The following LHFPL6 variants were observed in gnomAD, a reference collection of about 807,000 sequenced individuals.
The protein encoded by LHFPL6 is LHFPL tetraspan subfamily member 6, also known as LHFPL tetraspan subfamily member 6 protein.
In LHFPL6, 9 loss-of-function variants were observed where a neutral mutation model predicts 20.6. The ratio of observed to expected loss-of-function variants is 0.44; its 90% CI spans 0.26 to 0.76. The LOEUF is 0.76. LHFPL6 is among the 30% of genes least tolerant of loss of function. The pLI is 0.20. For synonymous variants in LHFPL6, 105 were observed against 98.7 expected, an observed-to-expected ratio of 1.06 and a Z score of -0.38; for missense variants, 218 against 253.5, an observed-to-expected ratio of 0.86 and a Z score of 0.95.
chr13:39,478,719 C>T lies in LHFPL6; in HGVS notation c.386-100193G>A, dbSNP rs575515529. Among the ~76,000 whole-genome samples, 25 of 151,768 alleles carry T rather than the reference C, an allele frequency of 1.6e-4. 1 individual carries two copies. In the South Asian group the frequency reaches 5.2e-3, roughly 31 times the overall value. The stretch of plus-strand genomic sequence containing the variant: ...AAAAGGCAGAGAAATAAGTAATTCA[C>T]CCCTCTTGCTTTTGGTCTATTTGCA... On this transcript the variant is annotated intron_variant, in intron 2 of 3. Coordinates refer to ENST00000379589, the MANE Select transcript of LHFPL6 (RefSeq NM_005780.3).
intron 3 of LHFPL6, among the ~76,000 whole-genome samples, chr13:39,352,941 G>A (rs71423195): frequency 0.45 from 18,678 of 41,316 alleles, 7,130 homozygotes; most frequent in African/African-American, 0.49. Context: ...ATATATGTGT[G>A]TATATATATA....
At chr13:39,398,971 G>A (rs181216095) in intron 2 of LHFPL6, among the ~76,000 whole-genome samples, 1 of 152,198 alleles carries the variant, frequency 6.6e-6, no homozygotes. Flanking sequence ...GTGCCAGAAA[G>A]TTAGGGTTTG....
At chr13:39,349,736 AT>A (rs1428341713) in intron 3 of LHFPL6, among the ~76,000 whole-genome samples, 1 of 152,344 alleles carries the variant, frequency 6.6e-6, no homozygotes, top group East Asian at 1.9e-4. Flanking sequence ...AGAGCCTTAA[AT>A]TAGAAGTGAG....
rs1470264840 is a variant in LHFPL6, at chr13:39,360,965, C to T, written c.485-16911G>A. On this transcript the variant is annotated intron_variant, in intron 3 of 3. Transcript: ENST00000379589. ...CAAAAGAAAATAACAGGTTTGTGCC[C>T]ATTTATTTGTACCAGTTATTGTCCT... is the stretch of plus-strand genomic sequence containing the variant. 4.1e-5 allele frequency among the ~76,000 whole-genome samples: 4 copies of T among 96,572 alleles called. 2 individuals carry two copies. The South Asian group carries it at 1.4e-3, about 34-fold the overall frequency. 63.4% of individuals were successfully genotyped at this position (96,572 alleles called of 152,430 possible).
At chr13:39,547,614 T>C (rs779690734) in intron 2 of LHFPL6, among the ~76,000 whole-genome samples, 1 of 152,134 alleles carries the variant, frequency 6.6e-6, no homozygotes, top group Non-Finnish European at 1.5e-5. Flanking sequence ...AAATCTGATC[T>C]GGACCAGCTC....
chr13:39,420,023 T>C (rs1418547175), intron 2 of LHFPL6, among the ~76,000 whole-genome samples: 5 of 152,318 alleles, frequency 3.3e-5, no homozygotes, highest in Non-Finnish European at 7.3e-5. Flanking sequence ...TGTGTGTTCC[T>C]AGAAGGTCTG....
chr13:39,516,206 C>T (rs1869908670), intron 2 of LHFPL6, among the ~76,000 whole-genome samples: 2 of 152,344 alleles, frequency 1.3e-5, no homozygotes, highest in South Asian at 4.1e-4. Flanking sequence ...AGCTATGCCA[C>T]ACTTCCAGTA....
chr13:39,492,975 C>T (rs970906488), intron 2 of LHFPL6, among the ~76,000 whole-genome samples: 4 of 151,868 alleles, frequency 2.6e-5, no homozygotes, highest in East Asian at 2.0e-4. Flanking sequence ...CCACTGCGCC[C>T]GGCCTCAATA....
intron 2 of LHFPL6, among the ~76,000 whole-genome samples, chr13:39,593,995 C>T (rs1256194985): frequency 6.6e-6 from 1 of 152,026 alleles, no homozygotes; most frequent in Non-Finnish European, 1.5e-5. Flanking sequence ...AAACGTTAGA[C>T]CTAAAACCAT....
chr13:39,388,832 T>C (rs75904825), intron 2 of LHFPL6, among the ~76,000 whole-genome samples: 3,684 of 152,234 alleles, frequency 0.024, 173 homozygotes, highest in African/African-American at 0.084. Context: ...CCTCCAAGCC[T>C]TCCCCTGACA....
rs1423951533 is a variant in LHFPL6, at chr13:39,545,283, T to C, written c.385+55549A>G. On this transcript the variant is annotated intron_variant, in intron 2 of 3. Transcript: ENST00000379589. ...AAAAAAAAAAGTGACTAAGGGTAAGTGGTCAGAAATCTAACAGAACAAGTG... is the reference window on the plus strand; with the variant it reads ...AAAAAAAAAAGTGACTAAGGGTAAGCGGTCAGAAATCTAACAGAACAAGTG... Among the ~76,000 whole-genome samples the C allele has an allele frequency of 2.7e-5, 4 of 146,358 alleles. 1 individual carries two copies. Among genetic ancestry groups the C allele is most frequent in the African/African-American group, 1.0e-4 (4 of 39,536 alleles).
chr13:39,481,358 T>A (rs1292831360), intron 2 of LHFPL6, among the ~76,000 whole-genome samples: 1 of 152,174 alleles, frequency 6.6e-6, no homozygotes, highest in African/African-American at 2.4e-5. Context: ...ACAGACAAGG[T>A]TGCCACTTTC....
chr13:39,466,399 T>C (rs558443222), intron 2 of LHFPL6, among the ~76,000 whole-genome samples: 6 of 152,184 alleles, frequency 3.9e-5, no homozygotes, highest in Non-Finnish European at 8.8e-5. Context: ...CCCTGGGCAA[T>C]GCAAAGACTG....
At chr13:39,512,993 G>A (rs560167253) in intron 2 of LHFPL6, among the ~76,000 whole-genome samples, 2 of 152,352 alleles carry the variant, frequency 1.3e-5, no homozygotes, top group South Asian at 2.1e-4. Flanking sequence ...TGTCCTGGGT[G>A]TTATTAGAGA....
chr13:39,386,191 T>C (rs562581421), intron 2 of LHFPL6, among the ~76,000 whole-genome samples: 1 of 152,280 alleles, frequency 6.6e-6, no homozygotes, highest in African/African-American at 2.4e-5. Flanking sequence ...CATCTCAAAT[T>C]CTCCATATGC....
intron 2 of LHFPL6, among the ~76,000 whole-genome samples, chr13:39,588,163 G>A (rs1029303407): frequency 2.0e-5 from 3 of 152,130 alleles, no homozygotes; most frequent in Admixed American, 6.6e-5. Flanking sequence ...GCTGATCACC[G>A]TCTGAGCAAA....
chr13:39,557,979 G>A (rs1287214842), intron 2 of LHFPL6, among the ~76,000 whole-genome samples: 2 of 152,126 alleles, frequency 1.3e-5, no homozygotes, highest in African/African-American at 4.8e-5. Context: ...TGCCATGATT[G>A]GAAGCTTCCT....
intron 2 of LHFPL6, among the ~76,000 whole-genome samples, chr13:39,595,959 T>C (rs1872757429): frequency 6.6e-6 from 1 of 152,204 alleles, no homozygotes. Context: ...CTGTGATCTA[T>C]AGTACGGTCT....
At chr13:39,429,396 T>C (rs1871729609) in intron 2 of LHFPL6, among the ~76,000 whole-genome samples, 1 of 152,188 alleles carries the variant, frequency 6.6e-6, no homozygotes, top group South Asian at 2.1e-4. Flanking sequence ...TAACAATCTA[T>C]TTTGTCAGCT....
Sources: allele counts gnomAD v4.1 joint callset (sites outside exome capture counted in the v4.1 genomes callset), GRCh38; gene constraint gnomAD v4.1.1; transcripts MANE v1.5; gene names NCBI Gene and HGNC (gene_info 2026-07-23, HGNC 2026-07-21).